DHX58: variants seen among roughly 807,000 people sequenced by gnomAD.
DHX58 encodes DExH-box helicase 58.
Under a neutral mutation model 65.0 loss-of-function variants are expected in DHX58, and 51 were observed. The ratio of observed to expected loss-of-function variants is 0.78; its 90% CI spans 0.63 to 0.99. DHX58 has a LOEUF of 0.99. Ranked by LOEUF, DHX58 falls within the 50% of genes least tolerant of loss-of-function variation. DHX58 has a pLI of 0.00. For missense variants in DHX58, 773 were observed against 891.8 expected, an observed-to-expected ratio of 0.87 and a Z score of 1.70; for synonymous variants, 350 against 365.0, an observed-to-expected ratio of 0.96 and a Z score of 0.47.
In DHX58 at chr17:42,108,014, T is replaced by G; in HGVS notation, c.773A>C (p.Tyr258Ser). ...ELSRKFGTQM[Y>S]EQQVVKLSEA... ...ACTCAGCTTCACCACCTGCTGCTCA[T>G]ACATTTGCGTCCCAAATTTCCGGCT... The change falls in exon 7 of 14, where the codon TAT (tyrosine) becomes TCT (serine). Residue 258 changes from tyrosine (Y) to serine (S), a missense_variant. By Grantham distance (144) the Tyr-to-Ser change is moderately radical. Coordinates refer to ENST00000251642, the MANE Select transcript of DHX58 (RefSeq NM_024119.3). 1.2e-6 allele frequency: 2 copies of G among 1,614,234 alleles called. No individual in the cohort carries two copies. The highest frequency in any genetic ancestry group is 1.7e-6 in the Non-Finnish European group (2 of 1,180,042).
At chr17:42,103,945 T>C (rs2054015613) in intron 11 of DHX58, 147 bp from the exon 12 acceptor site, 2 of 917,194 alleles carry the variant, frequency 2.2e-6, no homozygotes, top group South Asian at 3.6e-5. Context: ...TCTATTGCTG[T>C]GATGATGCAG....
chr17:42,102,360 C>T (rs1555661714), intron 12 of DHX58, 48 bp from the exon 13 acceptor site: 2 of 1,545,000 alleles, frequency 1.3e-6, no homozygotes, highest in South Asian at 1.1e-5. Context: ...CCTCCTCAGC[C>T]CCGGATCTCA....
intron 13 of DHX58, 101 bp from the exon 14 acceptor site, chr17:42,102,047 C>A (rs77876788): frequency 1.4e-6 from 2 of 1,460,680 alleles, no homozygotes; most frequent in Admixed American, 4.1e-5. Context: ...TTTCCTCCCA[C>A]CTGAGATGTC....
Position 42,107,989 on chromosome 17 carries a change from A to G in DHX58, c.798T>C (p.Ser266=). ...AAGGGCTGCCCCTCTCACCAGCCTCACTCAGCTTCACCACCTGCTGCTCAT... is the reference window on the plus strand; with the variant it reads ...AAGGGCTGCCCCTCTCACCAGCCTCGCTCAGCTTCACCACCTGCTGCTCAT... ...QMYEQQVVKL[S]EAAALAGLQE... is the part of the protein sequence containing the mutation. Residue 266 remains serine (S), a synonymous_variant, in exon 7 of 14, where the codon AGT becomes AGC. Coordinates refer to ENST00000251642, the MANE Select transcript of DHX58 (RefSeq NM_024119.3). 1.2e-6 allele frequency: 2 copies of G among 1,614,014 alleles called. No homozygotes were observed. The highest frequency in any genetic ancestry group is 1.7e-6 in the Non-Finnish European group (2 of 1,180,026).
chr17:42,110,348 A>G (rs1162748492), intron 5 of DHX58, among the ~76,000 whole-genome samples: 2 of 152,178 alleles, frequency 1.3e-5, no homozygotes, highest in African/African-American at 4.8e-5. Context: ...GGCAGCAGGA[A>G]AAGTTCAAAG....
In DHX58 at chr17:42,101,767, C is replaced by G. The variant is rs368741216; in HGVS notation, c.2031G>C (p.Leu677=). The change falls in exon 14 of 14, where the codon CTG becomes CTC. Residue 677 remains leucine (L), a synonymous_variant. Coordinates refer to ENST00000251642, the MANE Select transcript of DHX58 (RefSeq NM_024119.3). ...CACTGCAGCAATGAGGTGGTCAGTC[C>G]AGGGAGAGGTCCGACAAGTTCTCGG... The part of the protein sequence containing the change: ...HCAENLSDLS[L]D 1.5e-5 allele frequency: 25 copies of G among 1,614,080 alleles called. No individual in the cohort carries two copies. In the African/African-American group the frequency reaches 3.3e-4, roughly 22 times the overall value.
intron 6 of DHX58, 63 bp from the exon 7 acceptor site, chr17:42,108,171 G>A: frequency 6.2e-7 from 1 of 1,611,082 alleles, no homozygotes; most frequent in Non-Finnish European, 8.5e-7. Context: ...CCCAGTGGGG[G>A]TGCTGACCCC....
rs782362099 is a variant in DHX58, at chr17:42,101,920, C to T, written c.1878G>A (p.Lys626=). Reference sequence around the variant, plus strand: ...CTTTGAGCACTGGCAGCTTCACTGACTTGTAGATCATCTGCAGACCCCAGA... The same window carrying T: ...CTTTGAGCACTGGCAGCTTCACTGATTTGTAGATCATCTGCAGACCCCAGA... ...GEVWGLQMIY[K]SVKLPVLKVR... The change falls in exon 14 of 14, where the codon AAG becomes AAA. Residue 626 remains lysine, a synonymous_variant. Coordinates refer to ENST00000251642, the MANE Select transcript of DHX58 (RefSeq NM_024119.3). 1 of 1,613,706 alleles carries T rather than the reference C, an allele frequency of 6.2e-7. No homozygotes were observed. The highest frequency in any genetic ancestry group is 8.5e-7 in the Non-Finnish European group (1 of 1,179,798).
chr17:42,103,379 G>T (rs1011291781), intron 12 of DHX58: 7 of 567,500 alleles, frequency 1.2e-5, no homozygotes, highest in Middle Eastern at 9.3e-4. Flanking sequence ...TCCAGTTCTT[G>T]CTCAACCAGA....
intron 11 of DHX58, 140 bp from the exon 12 acceptor site, chr17:42,103,938 A>G: frequency 1.0e-6 from 1 of 962,922 alleles, no homozygotes; most frequent in Non-Finnish European, 1.5e-6. Flanking sequence ...AAGAAGCTCT[A>G]TTGCTGTGAT....
chr17:42,103,474 C>A, intron 12 of DHX58, 134 bp downstream of exon 12: 1 of 1,161,724 alleles, frequency 8.6e-7, no homozygotes, highest in South Asian at 1.5e-5. Flanking sequence ...GGGATAAAAC[C>A]TGTCTAACCA....
rs371461669 is a variant in DHX58 at position 42,103,646 on chromosome 17, C to T, written c.1716G>A (p.Val572=). 14 of 1,613,918 alleles carry T rather than the reference C, an allele frequency of 8.7e-6. No homozygotes were observed. Among genetic ancestry groups the T allele is most frequent in the African/African-American group, 1.3e-5 (1 of 74,938 alleles). The change falls in exon 12 of 14, where the codon GTG becomes GTA. Residue 572 remains valine, a synonymous_variant. Transcript: ENST00000251642. ...TCACATTGACATGGTGGGTGCCCTC[C>T]ACCTTCCGCAGGTCGCTGCCATGGC... The part of the protein sequence containing the change: ...AVGHGSDLRK[V]EGTHHVNVNP...
Position 42,111,762 on chromosome 17 carries a change from G to T in DHX58, c.131C>A (p.Thr44Asn). Residue 44 changes from threonine (T) to asparagine (N), a missense_variant, in exon 3 of 14, where the codon ACT (threonine) becomes AAT (asparagine). Coordinates refer to ENST00000251642, the MANE Select transcript of DHX58 (RefSeq NM_024119.3). ...AAYVAKRHLE[T>N]VDGAKVVVLV... Reference sequence around the variant, plus strand: ...TACAACCACCTTGGCTCCATCCACAGTCTCTAGGTGCCGCTTGGCCACATA... The same window carrying T: ...TACAACCACCTTGGCTCCATCCACATTCTCTAGGTGCCGCTTGGCCACATA... The T allele has an allele frequency of 1.2e-6, 2 of 1,613,962 alleles. No homozygotes were observed. Among genetic ancestry groups the T allele is most frequent in the Non-Finnish European group, 1.7e-6 (2 of 1,179,910 alleles).
intron 9 of DHX58, 47 bp from the exon 10 acceptor site, chr17:42,105,214 G>C (rs1555662402): frequency 6.5e-7 from 1 of 1,542,534 alleles, no homozygotes; most frequent in Admixed American, 2.0e-5. Flanking sequence ...ACATGAGGAG[G>C]CTCAGACTGA....
At position 42,101,799 on chromosome 17, in the gene DHX58, G is replaced by A. The variant is rs1555661576; in HGVS notation, c.1999C>T (p.His667Tyr). Residue 667 changes from histidine (H) to tyrosine (Y), a missense_variant, in exon 14 of 14, where the codon CAT (histidine) becomes TAT (tyrosine). Transcript: ENST00000251642. ...FSVPDFDFLQ[H>Y]CAENLSDLSL... ...AGGTCCGACAAGTTCTCGGCACAAT[G>A]CTGCAGGAAGTCAAAGTCAGGCACG... The A allele has an allele frequency of 5.6e-6, 9 of 1,614,122 alleles. No homozygotes were observed. Among genetic ancestry groups the A allele is most frequent in the African/African-American group, 1.3e-5 (1 of 74,940 alleles).
chr17:42,104,956 G>C, intron 10 of DHX58, 29 bp from the exon 11 acceptor site: 1 of 1,613,462 alleles, frequency 6.2e-7, no homozygotes. Context: ...GGTGTCCTGA[G>C]TTGGGCTGGG....
rs1555661969 is a variant in DHX58, at chr17:42,103,682, C to T, written c.1680G>A (p.Met560Ile). 6.2e-7 allele frequency: 1 copy of T among 1,614,016 alleles called. No individual in the cohort carries two copies. Among genetic ancestry groups the T allele is most frequent in the Non-Finnish European group, 8.5e-7 (1 of 1,180,040 alleles). Reference sequence around the variant, plus strand: ...GGTCGCTGCCATGGCCCACAGCCACCATGCAGTTGATGCAGAGTAGCTGCA... The same window carrying T: ...GGTCGCTGCCATGGCCCACAGCCACTATGCAGTTGATGCAGAGTAGCTGCA... ...EHVQLLCINCMVAVGHGSDLR... is the reference protein window; with the variant it reads ...EHVQLLCINCIVAVGHGSDLR... The change falls in exon 12 of 14, where the codon ATG becomes ATA. Residue 560 changes from methionine to isoleucine, a missense_variant. By Grantham distance (10) the Met-to-Ile change is conservative. Transcript: ENST00000251642.
At chr17:42,108,259 G>T in intron 6 of DHX58, 151 bp from the exon 7 acceptor site, 1 of 1,246,320 alleles carries the variant, frequency 8.0e-7, no homozygotes, top group Non-Finnish European at 1.1e-6. Context: ...CGGCTAGGGT[G>T]TGGGGGAGTC....
Position 42,107,939 on chromosome 17 carries a change from A to T in DHX58, c.805+43T>A, listed in dbSNP as rs1280763474. ...GCCCCGGCAGGCCCCGCCCCTGACC[A>T]CTCCCACATCCTCGCCTCCGCCAGA... On this transcript the variant is annotated intron_variant, in intron 7 of 13. Coordinates refer to ENST00000251642, the MANE Select transcript of DHX58 (RefSeq NM_024119.3). 4.4e-6 allele frequency: 7 copies of T among 1,604,700 alleles called. No individual in the cohort carries two copies. The East Asian group carries it at 6.7e-5, about 15-fold the overall frequency.
Sources: allele counts gnomAD v4.1 joint callset (sites outside exome capture counted in the v4.1 genomes callset), GRCh38; gene constraint gnomAD v4.1.1; transcripts MANE v1.5; gene names NCBI Gene and HGNC (gene_info 2026-07-23, HGNC 2026-07-21).